The following CCDC60 variants were observed in gnomAD, a reference collection of about 807,000 sequenced individuals.
CCDC60 encodes coiled-coil domain-containing protein 60.
Under a neutral mutation model 63.5 loss-of-function variants are expected in CCDC60, and 54 were observed. The observed-to-expected ratio is 0.85, with a 90% confidence interval of 0.68 to 1.07. CCDC60 has a LOEUF of 1.07. Among genes scored for constraint, CCDC60 ranks in the 50% least tolerant of loss-of-function variants. CCDC60 has a pLI of 0.00. For synonymous variants in CCDC60, 206 were observed against 238.8 expected (o/e 0.86, Z 1.27); for missense variants, 651 against 684.3 (o/e 0.95, Z 0.54).
chr12:119,496,284 A>G (rs1413366915), intron 5 of CCDC60, among the ~76,000 whole-genome samples: 1 of 152,212 alleles, frequency 6.6e-6, no homozygotes, highest in African/African-American at 2.4e-5. Flanking sequence ...AGAGAGCACG[A>G]AGTATTTGAG....
At chr12:119,481,308 T>C (rs1164493807) in intron 4 of CCDC60, among the ~76,000 whole-genome samples, 2 of 152,184 alleles carry the variant, frequency 1.3e-5, no homozygotes, top group Non-Finnish European at 2.9e-5. Context: ...TTCAGTACAC[T>C]TGCACTTCTG....
chr12:119,348,017 T>C (rs1955615475), intron 1 of CCDC60, among the ~76,000 whole-genome samples: 1 of 152,318 alleles, frequency 6.6e-6, no homozygotes, highest in African/African-American at 2.4e-5. Context: ...AAGGATAACA[T>C]GACTAAAATG....
intron 3 of CCDC60, among the ~76,000 whole-genome samples, chr12:119,477,930 AGAGAG>A (rs1951213944): frequency 6.6e-6 from 1 of 152,134 alleles, no homozygotes; most frequent in Admixed American, 6.6e-5. Context: ...TCACAGAGAG[AGAGAG>A]GAGAGAGAGA....
rs536063727 is a variant in CCDC60, at chr12:119,392,969, A to G, written c.91-35714A>G. ...AAGGAGTTTGAGACCACCCTGGGCA[A>G]CACGGCAAGAATCCATCACTACAAA... is the stretch of plus-strand genomic sequence containing the variant. On this transcript the variant is annotated intron_variant, in intron 1 of 13. Coordinates refer to ENST00000327554, the MANE Select transcript of CCDC60 (RefSeq NM_178499.5). Among the ~76,000 whole-genome samples, 3 of 152,292 alleles carry G rather than the reference A, an allele frequency of 2.0e-5. No individual in the cohort carries two copies. The East Asian group carries it at 5.8e-4, about 29-fold the overall frequency.
At chr12:119,399,493 C>T (rs1956348413) in intron 1 of CCDC60, among the ~76,000 whole-genome samples, 1 of 152,166 alleles carries the variant, frequency 6.6e-6, no homozygotes, top group South Asian at 2.1e-4. Context: ...ACATGCGGAG[C>T]CAGCTGTTGA....
At chr12:119,530,637 T>C (rs577759666) in intron 12 of CCDC60, among the ~76,000 whole-genome samples, 1 of 152,294 alleles carries the variant, frequency 6.6e-6, no homozygotes. Context: ...ATACATCCCT[T>C]GAAATCACAC....
At chr12:119,511,426 A>G (rs963911386) in intron 7 of CCDC60, among the ~76,000 whole-genome samples, 2 of 152,226 alleles carry the variant, frequency 1.3e-5, no homozygotes, top group Non-Finnish European at 2.9e-5. Flanking sequence ...CCAAGAAACA[A>G]AAGCCCAGGC....
intron 1 of CCDC60, among the ~76,000 whole-genome samples, chr12:119,342,475 A>G (rs1955542837): frequency 6.6e-6 from 1 of 152,216 alleles, no homozygotes; most frequent in Non-Finnish European, 1.5e-5. Flanking sequence ...GACTTGCACA[A>G]ATGATTTCAC....
At chr12:119,427,318 A>C (rs1020909126) in intron 1 of CCDC60, among the ~76,000 whole-genome samples, 2 of 152,252 alleles carry the variant, frequency 1.3e-5, no homozygotes, top group Non-Finnish European at 1.5e-5. Context: ...ATCATGCTAT[A>C]AATATTACTT....
chr12:119,516,430 G>C lies in CCDC60; in HGVS notation c.884-193G>C, dbSNP rs149751833. Among the ~76,000 whole-genome samples, 238 of 152,270 alleles carry C rather than the reference G, an allele frequency of 1.6e-3. 1 individual carries two copies. Among genetic ancestry groups the C allele is most frequent in the African/African-American group, 5.5e-3 (228 of 41,562 alleles). ...GAACCACTGATGGGTTTTAAGCAGG[G>C]GCGTGGCATGGTCAGATTTGCAACA... On this transcript the variant is annotated intron_variant, in intron 7 of 13. Transcript: ENST00000327554.
intron 2 of CCDC60, among the ~76,000 whole-genome samples, chr12:119,434,375 G>C (rs927285292): frequency 6.6e-6 from 1 of 151,932 alleles, no homozygotes; most frequent in African/African-American, 2.4e-5. Flanking sequence ...TTGAGTATGA[G>C]ATATCACCAG....
intron 9 of CCDC60, among the ~76,000 whole-genome samples, chr12:119,520,542 C>CTTTT (rs11460611): frequency 1.6e-5 from 2 of 126,864 alleles, no homozygotes; most frequent in Non-Finnish European, 3.2e-5. Context: ...AGAGAATATT[C>CTTTT]TTTTTTTTTT....
intron 1 of CCDC60, among the ~76,000 whole-genome samples, chr12:119,351,070 T>G (rs1955651728): frequency 6.6e-6 from 1 of 152,218 alleles, no homozygotes; most frequent in Non-Finnish European, 1.5e-5. Flanking sequence ...AGGGATCTCA[T>G]CTTCAGCTCT....
intron 4 of CCDC60, among the ~76,000 whole-genome samples, chr12:119,480,236 G>A (rs1008986425): frequency 1.2e-4 from 18 of 152,206 alleles, no homozygotes; most frequent in African/African-American, 4.3e-4. Context: ...TGTTGTGTAG[G>A]TGTATCATTA....
chr12:119,516,773 G>A, intron 8 of CCDC60, 66 bp downstream of exon 8: 3 of 1,039,354 alleles, frequency 2.9e-6, no homozygotes, highest in Non-Finnish European at 4.4e-6. Flanking sequence ...AACAGTAGTA[G>A]TTGCCAACTG....
intron 8 of CCDC60, among the ~76,000 whole-genome samples, chr12:119,519,159 G>T (rs1952428390): frequency 6.6e-6 from 1 of 152,084 alleles, no homozygotes; most frequent in African/African-American, 2.4e-5. Context: ...TCCCAAATCT[G>T]CTCCCATCAA....
intron 13 of CCDC60, among the ~76,000 whole-genome samples, chr12:119,538,065 G>T (rs1953059223): frequency 6.6e-6 from 1 of 152,220 alleles, no homozygotes; most frequent in African/African-American, 2.4e-5. Flanking sequence ...AGCTGTGGTG[G>T]ACTCCACCCA....
At chr12:119,350,501 G>A (rs1442075815) in intron 1 of CCDC60, among the ~76,000 whole-genome samples, 3 of 152,064 alleles carry the variant, frequency 2.0e-5, no homozygotes, top group African/African-American at 7.2e-5. Flanking sequence ...CCAAAGTGCT[G>A]GGATTACAGA....
At chr12:119,521,752 C>T (rs1952536017) in intron 9 of CCDC60, among the ~76,000 whole-genome samples, 1 of 152,168 alleles carries the variant, frequency 6.6e-6, no homozygotes. Flanking sequence ...CACCTCCTCC[C>T]TGAATCACTG....
Sources: gnomAD v4.1 joint callset for allele counts (sites outside exome capture counted in the v4.1 genomes callset) on GRCh38, gnomAD v4.1.1 for gene constraint, MANE v1.5 for transcripts, NCBI Gene and HGNC (gene_info 2026-07-23, HGNC 2026-07-21) for gene names.